The following CCSER1 variants were observed in gnomAD, a reference collection of about 807,000 sequenced individuals.
CCSER1 encodes the protein coiled-coil serine rich protein 1.
CCSER1 carries 41 observed loss-of-function variants against 82.0 expected under a neutral mutation model. The observed-to-expected ratio is 0.50, with a 90% CI of 0.39 to 0.65. CCSER1 has a LOEUF of 0.65. Among genes scored for constraint, CCSER1 ranks in the 30% least tolerant of loss-of-function variants. The pLI, the probability that CCSER1 is intolerant of heterozygous loss-of-function variation, is 0.00. For missense variants in CCSER1, 1,119 were observed against 1,064.2 expected, an observed-to-expected ratio of 1.05 and a Z score of -0.72; for synonymous variants, 414 against 383.9, an observed-to-expected ratio of 1.08 and a Z score of -0.92.
At chr4:91,279,282 C>T (rs1419796108) in intron 10 of CCSER1, among the ~76,000 whole-genome samples, 1 of 152,088 alleles carries the variant, frequency 6.6e-6, no homozygotes, top group Non-Finnish European at 1.5e-5. Flanking sequence ...ATGTCTCAAT[C>T]TCTTGCTAGA....
intron 8 of CCSER1, among the ~76,000 whole-genome samples, chr4:90,819,026 A>G (rs1759397455): frequency 1.3e-5 from 2 of 152,122 alleles, no homozygotes; most frequent in African/African-American, 2.4e-5. Context: ...TATTTGTCAG[A>G]TTTCTGGAGG....
At chr4:90,607,094 T>G (rs1328989574) in intron 5 of CCSER1, among the ~76,000 whole-genome samples, 1 of 152,196 alleles carries the variant, frequency 6.6e-6, no homozygotes, top group Non-Finnish European at 1.5e-5. Flanking sequence ...ATTTTACATA[T>G]GGTTTTAGTT....
chr4:91,242,087 A>G (rs1739417527), intron 10 of CCSER1, among the ~76,000 whole-genome samples: 1 of 152,222 alleles, frequency 6.6e-6, no homozygotes, highest in Non-Finnish European at 1.5e-5. Context: ...ACTAAAGGGT[A>G]GAAGGTTAGG....
chr4:90,688,929 C>G (rs542197130), intron 6 of CCSER1, among the ~76,000 whole-genome samples: 6 of 152,146 alleles, frequency 3.9e-5, no homozygotes, highest in Admixed American at 2.0e-4. Context: ...TAGAAAAGCA[C>G]TAAAATTGCT....
At chr4:91,358,569 T>C (rs1183102299) in intron 10 of CCSER1, among the ~76,000 whole-genome samples, 1 of 151,998 alleles carries the variant, frequency 6.6e-6, no homozygotes, top group African/African-American at 2.4e-5. Flanking sequence ...AAAACCAAAG[T>C]ATCCAGCAAT....
chr4:90,219,578 T>G (rs1426349608), intron 1 of CCSER1, among the ~76,000 whole-genome samples: 1 of 152,184 alleles, frequency 6.6e-6, no homozygotes, highest in Non-Finnish European at 1.5e-5. Context: ...TATATTTATC[T>G]GTCTCACTTG....
intron 9 of CCSER1, among the ~76,000 whole-genome samples, chr4:91,079,570 A>G (rs1295207086): frequency 6.6e-6 from 1 of 152,238 alleles, no homozygotes; most frequent in African/African-American, 2.4e-5. Context: ...ACACATAACA[A>G]TATGAATCTT....
At chr4:90,694,627 CTTG>C (rs56979244) in intron 6 of CCSER1, among the ~76,000 whole-genome samples, 1 of 151,698 alleles carries the variant, frequency 6.6e-6, no homozygotes, top group Non-Finnish European at 1.5e-5. Context: ...TTCGTGTTTA[CTTG>C]TTGTTTTCCT....
intron 10 of CCSER1, among the ~76,000 whole-genome samples, chr4:91,392,634 C>T (rs375676252): frequency 6.6e-6 from 1 of 152,066 alleles, no homozygotes; most frequent in African/African-American, 2.4e-5. Flanking sequence ...TATATTAGCT[C>T]ATTTGCACAG....
chr4:91,125,555 A>G (rs966710690), intron 10 of CCSER1, among the ~76,000 whole-genome samples: 2 of 151,736 alleles, frequency 1.3e-5, no homozygotes, highest in African/African-American at 2.4e-5. Context: ...TTACCTATCT[A>G]AATTCCCTAA....
At chr4:90,901,817 C>T (rs1286049540) in intron 8 of CCSER1, among the ~76,000 whole-genome samples, 2 of 151,820 alleles carry the variant, frequency 1.3e-5, no homozygotes, top group African/African-American at 4.8e-5. Flanking sequence ...GATTTTCTTT[C>T]TTGTATTTGG....
intron 6 of CCSER1, among the ~76,000 whole-genome samples, chr4:90,699,188 G>A (rs1737549569): frequency 6.6e-6 from 1 of 152,130 alleles, no homozygotes. Flanking sequence ...TCCTTGCTGG[G>A]TACCTTGGCT....
chr4:90,306,420 A>G (rs1734281068), intron 1 of CCSER1, among the ~76,000 whole-genome samples: 1 of 152,234 alleles, frequency 6.6e-6, no homozygotes, highest in Admixed American at 6.5e-5. Flanking sequence ...ATATAAAAAT[A>G]TCAAAACATC....
At chr4:91,521,007 GGT>G (rs1349441016) in intron 10 of CCSER1, among the ~76,000 whole-genome samples, 5 of 87,268 alleles carry the variant, frequency 5.7e-5, no homozygotes, top group African/African-American at 2.4e-4. Context: ...ATTTACATTA[GGT>G]TATTTCTTCT....
intron 10 of CCSER1, among the ~76,000 whole-genome samples, chr4:91,229,832 C>T (rs1011441018): frequency 1.3e-5 from 2 of 151,704 alleles, no homozygotes. Flanking sequence ...TGGGGCTTGT[C>T]GGGGGTTGAG....
Position 90,763,004 on chromosome 4 carries a change from T to A in CCSER1, c.2010+39013T>A, listed in dbSNP as rs745543392. ...GTGAGGAGCCAAGGAATATGAGCAG[T>A]GATCAGAACCTCAAGGAGGCAAGAA... On this transcript the variant is annotated intron_variant, in intron 7 of 10. Coordinates refer to ENST00000509176, the MANE Select transcript of CCSER1 (RefSeq NM_001145065.2). Among the ~76,000 whole-genome samples, 5 of 151,814 alleles carry A rather than the reference T, an allele frequency of 3.3e-5. No homozygotes were observed. In the South Asian group the frequency reaches 1.0e-3, roughly 32 times the overall value.
At chr4:90,956,309 C>G (rs968532237) in intron 9 of CCSER1, among the ~76,000 whole-genome samples, 1 of 152,114 alleles carries the variant, frequency 6.6e-6, no homozygotes, top group African/African-American at 2.4e-5. Context: ...TCTGGGACAA[C>G]TTACTTAACT....
At chr4:91,154,157 C>T (rs189292525) in intron 10 of CCSER1, among the ~76,000 whole-genome samples, 2,830 of 152,092 alleles carry the variant, frequency 0.019, 120 homozygotes, top group African/African-American at 0.065. Context: ...GTGGGCTCCA[C>T]CCAGTTGAAG....
intron 5 of CCSER1, among the ~76,000 whole-genome samples, chr4:90,501,630 A>T (rs1560621325): frequency 6.6e-6 from 1 of 152,190 alleles, no homozygotes; most frequent in Admixed American, 6.6e-5. Flanking sequence ...TTTTTGTAAG[A>T]TGCAAACATT....
Sources: gnomAD v4.1 joint callset for allele counts (sites outside exome capture counted in the v4.1 genomes callset) on GRCh38, gnomAD v4.1.1 for gene constraint, MANE v1.5 for transcripts, NCBI Gene and HGNC (gene_info 2026-07-23, HGNC 2026-07-21) for gene names.